The following MYH15 variants were observed in gnomAD, a reference collection of about 807,000 sequenced individuals.
The protein encoded by MYH15 is myosin-15.
MYH15 carries 227 observed loss-of-function variants against 240.5 expected under a neutral mutation model. The ratio of observed to expected loss-of-function variants is 0.94; its 90% CI spans 0.85 to 1.05. The LOEUF is 1.05. MYH15 is among the 50% of genes least tolerant of loss of function. The pLI is 0.00. For synonymous variants in MYH15, 785 were observed against 796.7 expected (o/e 0.99, Z 0.25); for missense variants, 2,217 against 2,247.5 (o/e 0.99, Z 0.27).
intron 32 of MYH15, among the ~76,000 whole-genome samples, chr3:108,406,394 G>A (rs1283206372): frequency 2.0e-5 from 3 of 152,130 alleles, no homozygotes; most frequent in Admixed American, 2.0e-4. Context: ...AAAAGATGAT[G>A]GGAATTTTAA....
chr3:108,511,532 T>A (rs1447342766), upstream of MYH15, among the ~76,000 whole-genome samples: 1 of 152,176 alleles, frequency 6.6e-6, no homozygotes. Context: ...TATCTTTAAT[T>A]TTCACACTTT....
intron 1 of MYH15, among the ~76,000 whole-genome samples, chr3:108,527,459 A>G (rs2083681381): frequency 6.6e-6 from 1 of 151,728 alleles, no homozygotes; most frequent in African/African-American, 2.4e-5. Flanking sequence ...TCTCATTGTA[A>G]AGGACTCTCA....
chr3:108,519,701 A>G (rs1338390275), intron 1 of MYH15, among the ~76,000 whole-genome samples: 1 of 152,196 alleles, frequency 6.6e-6, no homozygotes, highest in South Asian at 2.1e-4. Context: ...GAAATGGAAC[A>G]TTGTCATGAT....
At chr3:108,410,965 G>A (rs984496689) in intron 30 of MYH15, 33 bp from the exon 31 acceptor site, 1 of 1,517,914 alleles carries the variant, frequency 6.6e-7, no homozygotes, top group Non-Finnish European at 9.0e-7. Context: ...GAGTGAGTGA[G>A]GCAATAACTC....
chr3:108,443,381 G>C (rs2082900043), intron 22 of MYH15, among the ~76,000 whole-genome samples: 1 of 129,924 alleles, frequency 7.7e-6, no homozygotes, highest in South Asian at 2.8e-4. Context: ...AGAATAACTT[G>C]TGTCAGTCTG....
intron 21 of MYH15, among the ~76,000 whole-genome samples, chr3:108,452,863 A>G (rs960502325): frequency 2.0e-5 from 3 of 152,148 alleles, no homozygotes; most frequent in Non-Finnish European, 4.4e-5. Flanking sequence ...CATGCCTGTA[A>G]TCTCAGCAAT....
chr3:108,391,759 C>A lies in MYH15; in HGVS notation c.5430+1G>T, dbSNP rs1268459122. 4 of 1,612,954 alleles carry A rather than the reference C, an allele frequency of 2.5e-6. No individual in the cohort carries two copies. Among genetic ancestry groups the A allele is most frequent in the Non-Finnish European group, 3.4e-6 (4 of 1,179,524 alleles). On this transcript the variant is annotated splice_donor_variant, in intron 37 of 40. Coordinates refer to ENST00000693548, the MANE Select transcript of MYH15 (RefSeq NM_014981.3). LOFTEE classifies it high-confidence loss of function. ...GCCCTCATGATTACCCAGACTCCTA[C>A]CCTGGATTCTAGTTTCTGGATTTGC...
chr3:108,510,016 CAG>C (rs1208280798), intron 1 of MYH15, among the ~76,000 whole-genome samples: 1 of 152,100 alleles, frequency 6.6e-6, no homozygotes, highest in Non-Finnish European at 1.5e-5. Context: ...GCAGCCTTAC[CAG>C]AGTCTTTCCC....
rs997613780 is a variant in MYH15, at chr3:108,458,021, C to G, written c.2021-1138G>C. ...TGCACTTCAGCCACTGCACTCTAGTCTCAGCAACAGAGCAAGACTCTGTCT... is the reference window on the plus strand; with the variant it reads ...TGCACTTCAGCCACTGCACTCTAGTGTCAGCAACAGAGCAAGACTCTGTCT... On this transcript the variant is annotated intron_variant, in intron 18 of 40. Transcript: ENST00000693548. 8.5e-5 allele frequency among the ~76,000 whole-genome samples: 13 copies of G among 152,148 alleles called. No homozygotes were observed. The East Asian group carries it at 2.5e-3, about 29-fold the overall frequency.
At position 108,444,770 on chromosome 3, in the gene MYH15, GCTACTTCTTCTC is replaced by G. The variant is rs1252180026; in HGVS notation, c.2513_2524del (p.Gly838_Val841del). On this transcript the variant is annotated inframe_deletion, in exon 22 of 41. Coordinates refer to ENST00000693548, the MANE Select transcript of MYH15 (RefSeq NM_014981.3). ...TTGTGCACACTCTTCCTTCAGTCCA[GCTACTTCTTCTC>G]CTACTTCTGAAGATTTAACAAGAGG... is the stretch of plus-strand genomic sequence containing the variant. 6 of 1,614,028 alleles carry G rather than the reference GCTACTTCTTCTC, an allele frequency of 3.7e-6. 1 individual carries two copies. In the East Asian group the frequency reaches 1.3e-4, roughly 36 times the overall value.
At chr3:108,402,615 A>C (rs892239993) in intron 33 of MYH15, among the ~76,000 whole-genome samples, 1 of 152,240 alleles carries the variant, frequency 6.6e-6, no homozygotes, top group Non-Finnish European at 1.5e-5. Flanking sequence ...ATCAACCCAA[A>C]ACAAACAAGC....
the MYH15 span, among the ~76,000 whole-genome samples, chr3:108,546,621 T>C: frequency 7.0e-3 from 1,067 of 152,244 alleles, 5 homozygotes; most frequent in African/African-American, 0.024. Context: ...CGAGAGAATA[T>C]AGATACTGGG....
At position 108,421,773 on chromosome 3, in the gene MYH15, G is replaced by A. The variant is rs548644578; in HGVS notation, c.3703-559C>T. Among the ~76,000 whole-genome samples, 28 of 152,284 alleles carry A rather than the reference G, an allele frequency of 1.8e-4. 1 individual carries two copies. The South Asian group carries it at 5.2e-3, about 28-fold the overall frequency. The stretch of plus-strand genomic sequence containing the variant: ...TAGAAGAAAGGGATGGATCTAAGCC[G>A]CAACAGCCTAATAACAAAATGTGAG... On this transcript the variant is annotated intron_variant, in intron 27 of 40. Transcript: ENST00000693548.
chr3:108,536,763 G>T, the MYH15 span, among the ~76,000 whole-genome samples: 1 of 152,174 alleles, frequency 6.6e-6, no homozygotes, highest in African/African-American at 2.4e-5. Flanking sequence ...CACCTTCAAA[G>T]AACTATATTA....
intron 25 of MYH15, among the ~76,000 whole-genome samples, chr3:108,431,860 T>C (rs532594074): frequency 6.6e-6 from 1 of 152,284 alleles, no homozygotes; most frequent in South Asian, 2.1e-4. Context: ...TAGTCTCAGA[T>C]GGAGATGAGG....
Position 108,410,820 on chromosome 3 carries a change from C to T in MYH15, c.4258G>A (p.Ala1420Thr), listed in dbSNP as rs376553191. The change falls in exon 31 of 41, where the codon GCC becomes ACC. Residue 1420 changes from alanine to threonine, a missense_variant. Coordinates refer to ENST00000693548, the MANE Select transcript of MYH15 (RefSeq NM_014981.3). ...RHQLQLELGDALSDLGKVRSA... is the reference protein window; with the variant it reads ...RHQLQLELGDTLSDLGKVRSA... ...CGGACCTTCCCGAGGTCAGACAGGG[C>T]GTCCCCGAGCTCCAGCTGCAGCTGG... The T allele has an allele frequency of 2.4e-5, 38 of 1,613,876 alleles. No homozygotes were observed. Among genetic ancestry groups the T allele is most frequent in the Admixed American group, 8.3e-5 (5 of 60,002 alleles).
At chr3:108,403,751 C>A (rs924967933) in intron 33 of MYH15, among the ~76,000 whole-genome samples, 3 of 152,108 alleles carry the variant, frequency 2.0e-5, no homozygotes, top group Non-Finnish European at 4.4e-5. Context: ...CCAGTCCACC[C>A]CTTCTTTTCT....
At position 108,441,535 on chromosome 3, in the gene MYH15, C is replaced by A. The variant is rs562169270; in HGVS notation, c.2656-275G>T. On this transcript the variant is annotated intron_variant, in intron 22 of 40. Coordinates refer to ENST00000693548, the MANE Select transcript of MYH15 (RefSeq NM_014981.3). ...AAAGCACTTAATAGAATCCTGGTGGCCTAAAGGAGCTAGCATGCCTCCAAA... is the reference window on the plus strand; with the variant it reads ...AAAGCACTTAATAGAATCCTGGTGGACTAAAGGAGCTAGCATGCCTCCAAA... 5.3e-5 allele frequency among the ~76,000 whole-genome samples: 8 copies of A among 152,242 alleles called. 1 individual carries two copies. Among genetic ancestry groups the A allele is most frequent in the Admixed American group, 5.2e-4 (8 of 15,288 alleles).
At chr3:108,434,545 TTATTA>T (rs1490608377) in intron 25 of MYH15, among the ~76,000 whole-genome samples, 4 of 118,996 alleles carry the variant, frequency 3.4e-5, no homozygotes, top group South Asian at 6.0e-4. Context: ...TTTAAGCTAA[TTATTA>T]TATTAATAAC....
Sources: allele counts gnomAD v4.1 joint callset (sites outside exome capture counted in the v4.1 genomes callset), GRCh38; gene constraint gnomAD v4.1.1; transcripts MANE v1.5; gene names NCBI Gene and HGNC (gene_info 2026-07-23, HGNC 2026-07-21).